Variants in SHB observed in about 807,000 individuals in gnomAD.
The protein encoded by SHB is SH2 domain containing adaptor protein B.
SHB carries 20 observed loss-of-function variants against 52.3 expected under a neutral mutation model. The ratio of observed to expected loss-of-function variants is 0.38; its 90% CI spans 0.27 to 0.56. The LOEUF is 0.56. Among genes scored for constraint, SHB ranks in the 20% least tolerant of loss-of-function variants. The pLI, the probability that SHB is intolerant of heterozygous loss-of-function variation, is 0.71. For synonymous variants in SHB, 397 were observed against 316.5 expected, an observed-to-expected ratio of 1.25 and a Z score of -2.70; for missense variants, 825 against 723.3, an observed-to-expected ratio of 1.14 and a Z score of -1.61.
At chr9:37,970,540 G>A (rs368995547) in intron 3 of SHB, among the ~76,000 whole-genome samples, 22 of 152,234 alleles carry the variant, frequency 1.4e-4, no homozygotes, top group East Asian at 1.2e-3. Flanking sequence ...AACGCAATTC[G>A]GGACAGTGCT....
At chr9:37,948,928 C>G (rs1464846945) in intron 4 of SHB, among the ~76,000 whole-genome samples, 174 bp from the exon 5 acceptor site, 1 of 152,202 alleles carries the variant, frequency 6.6e-6, no homozygotes, top group Non-Finnish European at 1.5e-5. Flanking sequence ...GGGGAGAGCA[C>G]AGTGAACAAA....
intron 2 of SHB, among the ~76,000 whole-genome samples, chr9:38,009,370 T>G (rs189859165): frequency 7.9e-4 from 120 of 152,370 alleles, no homozygotes; most frequent in South Asian, 4.8e-3. Flanking sequence ...AAGCCCAGTG[T>G]GACCGCAGAG....
intron 5 of SHB, among the ~76,000 whole-genome samples, chr9:37,933,514 T>A (rs996003510): frequency 6.6e-6 from 1 of 152,188 alleles, no homozygotes; most frequent in Non-Finnish European, 1.5e-5. Context: ...ATAGAGTTTA[T>A]TCAAGTGTGT....
intron 4 of SHB, 55 bp downstream of exon 4, chr9:37,955,828 G>A (rs1832624033): frequency 6.5e-7 from 1 of 1,542,486 alleles, no homozygotes; most frequent in Non-Finnish European, 8.9e-7. Flanking sequence ...TGAAAGAGAG[G>A]GCAAAAACTA....
intron 2 of SHB, among the ~76,000 whole-genome samples, chr9:37,999,913 A>G (rs1254033311): frequency 6.6e-6 from 1 of 152,264 alleles, no homozygotes; most frequent in African/African-American, 2.4e-5. Context: ...TCCACTAGTC[A>G]CCCCATGCCC....
intron 3 of SHB, among the ~76,000 whole-genome samples, chr9:37,961,824 C>T (rs1414096838): frequency 2.0e-5 from 3 of 152,220 alleles, no homozygotes. Flanking sequence ...TGTCCTGGCA[C>T]TGGCCTCTGC....
chr9:37,966,526 C>G (rs77974843), intron 3 of SHB, among the ~76,000 whole-genome samples: 9,092 of 152,276 alleles, frequency 0.06, 359 homozygotes, highest in Middle Eastern at 0.13. Flanking sequence ...CTGAAACCCC[C>G]CTTTCCTGGG....
chr9:38,056,511 T>G (rs922967168), intron 1 of SHB, among the ~76,000 whole-genome samples: 1 of 152,148 alleles, frequency 6.6e-6, no homozygotes, highest in African/African-American at 2.4e-5. Context: ...TTCTGTATTT[T>G]TAGTAGAGAC....
At chr9:37,990,483 A>C (rs1820868662) in intron 2 of SHB, among the ~76,000 whole-genome samples, 1 of 152,256 alleles carries the variant, frequency 6.6e-6, no homozygotes, top group Non-Finnish European at 1.5e-5. Context: ...GAAATGGAAT[A>C]ACATAAACAC....
At chr9:37,985,837 G>A (rs920432746) in intron 2 of SHB, among the ~76,000 whole-genome samples, 3 of 129,532 alleles carry the variant, frequency 2.3e-5, no homozygotes, top group South Asian at 2.5e-4. Context: ...GTCTGTAAGC[G>A]CTGAGTTGGA....
rs1483452945 is a variant in SHB, at chr9:37,988,421, T to G, written c.839-13584A>C. Among the ~76,000 whole-genome samples the G allele has an allele frequency of 3.3e-5, 5 of 152,140 alleles. No homozygotes were observed. The East Asian group carries it at 9.7e-4, about 29-fold the overall frequency. On this transcript the variant is annotated intron_variant, in intron 2 of 5. Coordinates refer to ENST00000377707, the MANE Select transcript of SHB (RefSeq NM_003028.3). ...ACAAAGAGTGGATATTCACACCGGC[T>G]TCTTCTTGTAACTTGCTAATGCTGT...
intron 1 of SHB, among the ~76,000 whole-genome samples, chr9:38,043,234 G>A (rs1317721077): frequency 6.6e-6 from 1 of 152,146 alleles, no homozygotes; most frequent in Non-Finnish European, 1.5e-5. Context: ...TCTGCCCCCA[G>A]CTTCTCTCTG....
intron 2 of SHB, among the ~76,000 whole-genome samples, chr9:37,976,505 C>A (rs1820654827): frequency 6.6e-6 from 1 of 152,220 alleles, no homozygotes. Context: ...TCAGCCCCCA[C>A]AATTACCCTT....
intron 1 of SHB, among the ~76,000 whole-genome samples, chr9:38,024,058 G>A (rs1821312230): frequency 6.6e-6 from 1 of 152,226 alleles, no homozygotes; most frequent in Non-Finnish European, 1.5e-5. Flanking sequence ...GGGGAGGTTG[G>A]TTTTCCACTC....
intron 3 of SHB, among the ~76,000 whole-genome samples, chr9:37,958,109 C>T (rs1182295504): frequency 6.6e-6 from 1 of 152,204 alleles, no homozygotes; most frequent in Non-Finnish European, 1.5e-5. Context: ...TGTATGGGAA[C>T]ACTCTGGACT....
chr9:38,018,155 T>C (rs1423396899), intron 1 of SHB, among the ~76,000 whole-genome samples: 1 of 151,228 alleles, frequency 6.6e-6, no homozygotes, highest in East Asian at 2.0e-4. Flanking sequence ...GGGGATTTGC[T>C]GGCGGGGTGG....
intron 2 of SHB, among the ~76,000 whole-genome samples, chr9:38,012,242 C>A (rs1192056851): frequency 6.6e-6 from 1 of 152,182 alleles, no homozygotes; most frequent in Non-Finnish European, 1.5e-5. Context: ...GAAAACCAAA[C>A]TACAGTGCAC....
chr9:37,993,008 C>T (rs1820901778), intron 2 of SHB, among the ~76,000 whole-genome samples: 1 of 152,222 alleles, frequency 6.6e-6, no homozygotes, highest in South Asian at 2.1e-4. Context: ...CATTTCTTAT[C>T]AGCTGTGCAC....
At chr9:37,985,918 C>T (rs1461079970) in intron 2 of SHB, among the ~76,000 whole-genome samples, 1 of 152,228 alleles carries the variant, frequency 6.6e-6, no homozygotes, top group Admixed American at 6.5e-5. Context: ...TACTCCTCAT[C>T]CTCAAAACAG....
Sources: allele counts gnomAD v4.1 joint callset (sites outside exome capture counted in the v4.1 genomes callset), GRCh38; gene constraint gnomAD v4.1.1; transcripts MANE v1.5; gene names NCBI Gene and HGNC (gene_info 2026-07-23, HGNC 2026-07-21).